Variants in USP48 observed in about 807,000 individuals in gnomAD.
USP48 encodes ubiquitin specific peptidase 48, also known as ubiquitin carboxyl-terminal hydrolase 48.
A neutral mutation model predicts 150.7 loss-of-function variants in USP48; 43 were observed. The observed-to-expected ratio is 0.29, with a 90% CI of 0.22 to 0.37. The LOEUF (loss-of-function observed/expected upper bound fraction) is 0.37. Ranked by LOEUF, USP48 falls within the 10% of genes least tolerant of loss-of-function variation. The pLI is 1.00. For missense variants in USP48, 813 were observed against 1,249.6 expected (o/e 0.65, Z 5.27); for synonymous variants, 396 against 425.9 (o/e 0.93, Z 0.86).
At chr1:21,714,525 G>A (rs958307992) in intron 15 of USP48, among the ~76,000 whole-genome samples, 22 of 152,138 alleles carry the variant, frequency 1.4e-4, no homozygotes, top group African/African-American at 5.1e-4. Context: ...AGCCTTCCTA[G>A]TAGCTGGGAT....
At chr1:21,732,049 C>G (rs139638283) in intron 9 of USP48, among the ~76,000 whole-genome samples, 1 of 152,018 alleles carries the variant, frequency 6.6e-6, no homozygotes, top group South Asian at 2.1e-4. Context: ...GGGATTATAG[C>G]GGCGGATCAT....
rs67850569 is a variant in USP48, at chr1:21,691,603, CCA to C, written c.2884-1506_2884-1505del. On this transcript the variant is annotated intron_variant, in intron 23 of 26. Coordinates refer to ENST00000308271, the MANE Select transcript of USP48 (RefSeq NM_032236.8). ...TAAGCCGAGATTGCGCCACTGCACT[CCA>C]GTCTGGGCGAAAGAGCAAGACACTA... 1.3e-3 allele frequency among the ~76,000 whole-genome samples: 198 copies of C among 152,338 alleles called. No homozygotes were observed. The East Asian group carries it at 0.031, about 24-fold the overall frequency.
chr1:21,737,745 C>T (rs2097771770), intron 8 of USP48, among the ~76,000 whole-genome samples: 1 of 152,130 alleles, frequency 6.6e-6, no homozygotes. Context: ...CATTATTCTT[C>T]TAAAAATTAC....
Position 21,704,249 on chromosome 1 carries a change from T to A in USP48, c.2515+13A>T, listed in dbSNP as rs749009629. ...TCTTAACTATAGAAACCGAAAGCAA[T>A]ATGAAAACTTACTGGGCTCAGAAAT... On this transcript the variant is annotated intron_variant, in intron 20 of 26. Transcript: ENST00000308271. The A allele has an allele frequency of 6.2e-7, 1 of 1,607,636 alleles. No homozygotes were observed. The highest frequency in any genetic ancestry group is 1.1e-5 in the South Asian group (1 of 89,560).
chr1:21,778,545 T>C lies in USP48; in HGVS notation c.134+4279A>G, dbSNP rs139816844. Among the ~76,000 whole-genome samples, 581 of 146,542 alleles carry C rather than the reference T, an allele frequency of 4.0e-3. 4 individuals carry two copies. Among genetic ancestry groups the C allele is most frequent in the African/African-American group, 0.014 (550 of 39,152 alleles). ...TACCAGGGAAGCTGGGGCAGGAGTA[T>C]TGATTGAGCCCAGGAGTTCAAGGAC... is the stretch of plus-strand genomic sequence containing the variant. On this transcript the variant is annotated intron_variant, in intron 1 of 26. Coordinates refer to ENST00000308271, the MANE Select transcript of USP48 (RefSeq NM_032236.8).
chr1:21,724,438 C>T, intron 11 of USP48: 1 of 449,816 alleles, frequency 2.2e-6, no homozygotes, highest in South Asian at 4.4e-5. Flanking sequence ...GACTACAAGT[C>T]ATGCTCCATT....
chr1:21,724,965 G>T (rs1456237302), intron 11 of USP48: 1 of 152,120 alleles, frequency 6.6e-6, no homozygotes, highest in African/African-American at 2.4e-5. Context: ...TACAGAGGTT[G>T]AATTTATATT....
At chr1:21,719,642 A>C (rs1010714931) in intron 14 of USP48, among the ~76,000 whole-genome samples, 3 of 152,052 alleles carry the variant, frequency 2.0e-5, no homozygotes, top group African/African-American at 7.2e-5. Context: ...TGTAATCCCA[A>C]CACTTTTGGG....
chr1:21,748,128 A>G lies in USP48; in HGVS notation c.908+10T>C, dbSNP rs770748420. ...ATGAACAACAAACACTAATATTTGC[A>G]CACATTTACCTGTCAAAGACAAAAC... On this transcript the variant is annotated intron_variant, in intron 7 of 26. Transcript: ENST00000308271. 5.6e-6 allele frequency: 9 copies of G among 1,610,006 alleles called. No individual in the cohort carries two copies. The South Asian group carries it at 8.9e-5, about 16-fold the overall frequency.
rs150696143 is a variant in USP48 at position 21,738,909 on chromosome 1, TG to T, written c.992-2285del. On this transcript the variant is annotated intron_variant, in intron 8 of 26. Coordinates refer to ENST00000308271, the MANE Select transcript of USP48 (RefSeq NM_032236.8). ...GGAAACAGTAATGCAGATTAATACC[TG>T]GGCCAAAACCCACTGAACTCACCCC... Among the ~76,000 whole-genome samples the T allele has an allele frequency of 3.1e-4, 47 of 152,262 alleles. 1 individual carries two copies. The East Asian group carries it at 8.5e-3, about 27-fold the overall frequency.
chr1:21,704,631 A>T (rs745738249), intron 19 of USP48: 75 of 380,776 alleles, frequency 2.0e-4, no homozygotes, highest in Non-Finnish European at 3.2e-4. Flanking sequence ...CAAAAACATA[A>T]TTGAGTAAAA....
At chr1:21,726,005 A>G (rs1199143015) in intron 11 of USP48, among the ~76,000 whole-genome samples, 1 of 152,186 alleles carries the variant, frequency 6.6e-6, no homozygotes, top group Non-Finnish European at 1.5e-5. Flanking sequence ...ATTAGATTAA[A>G]ATGGTAAGCA....
At chr1:21,778,625 C>CA (rs2097906380) in intron 1 of USP48, among the ~76,000 whole-genome samples, 1 of 132,680 alleles carries the variant, frequency 7.5e-6, no homozygotes, top group Admixed American at 7.6e-5. Context: ...AAAAAAAAGC[C>CA]AAAAAAAGGC....
At chr1:21,692,948 A>G (rs146131176) in intron 23 of USP48, among the ~76,000 whole-genome samples, 1,918 of 152,262 alleles carry the variant, frequency 0.013, 17 homozygotes, top group African/African-American at 0.022. Flanking sequence ...AACACGATAG[A>G]GGTCTGCTTA....
intron 25 of USP48, among the ~76,000 whole-genome samples, chr1:21,685,085 G>T (rs965469582): frequency 2.0e-5 from 3 of 152,002 alleles, no homozygotes; most frequent in Admixed American, 2.0e-4. Context: ...AATGTCATTG[G>T]TATTTTGATA....
chr1:21,721,294 T>C (rs1432722006), intron 13 of USP48, 128 bp from the exon 14 acceptor site: 1 of 1,308,902 alleles, frequency 7.6e-7, no homozygotes, highest in Non-Finnish European at 1.0e-6. Flanking sequence ...ATGTAATTGA[T>C]TTTAACCCAC....
rs1229657683 is a variant in USP48 at position 21,752,507 on chromosome 1, A to T, written c.665+20T>A. 20 of 1,603,292 alleles carry T rather than the reference A, an allele frequency of 1.2e-5. No individual in the cohort carries two copies. Among genetic ancestry groups the T allele is most frequent in the Non-Finnish European group, 1.6e-5 (19 of 1,177,754 alleles). ...TGTCTTAGAATAAAATGTACCATGA[A>T]AAAGTTGAAACAGACTTACACAGTT... On this transcript the variant is annotated intron_variant, in intron 5 of 26. Coordinates refer to ENST00000308271, the MANE Select transcript of USP48 (RefSeq NM_032236.8).
intron 22 of USP48, among the ~76,000 whole-genome samples, chr1:21,699,140 A>G (rs1485290882): frequency 4.1e-5 from 6 of 145,588 alleles, no homozygotes; most frequent in Non-Finnish European, 1.5e-5. Flanking sequence ...AGCAATTCTC[A>G]TACCTCAGCC....
intron 2 of USP48, 194 bp downstream of exon 2, chr1:21,757,469 A>G: frequency 2.2e-6 from 1 of 454,796 alleles, no homozygotes. Context: ...TGAATTACGC[A>G]GCTGCCTGTT....
Sources: gnomAD v4.1 joint callset for allele counts (sites outside exome capture counted in the v4.1 genomes callset) on GRCh38, gnomAD v4.1.1 for gene constraint, MANE v1.5 for transcripts, NCBI Gene and HGNC (gene_info 2026-07-23, HGNC 2026-07-21) for gene names.